The following AP5Z1 variants were observed in gnomAD, a reference collection of about 807,000 sequenced individuals.
AP5Z1 encodes the protein AP-5 complex subunit zeta-1.
A neutral mutation model predicts 83.0 loss-of-function variants in AP5Z1; 106 were observed. That is an observed-to-expected ratio of 1.28 (90% confidence interval 1.09 to 1.50). AP5Z1 has a LOEUF of 1.50. AP5Z1 is among the 40% of genes most tolerant of loss of function. The pLI is 0.00. For missense variants in AP5Z1, 1,565 were observed against 1,094.2 expected, an observed-to-expected ratio of 1.43 and a Z score of -6.07; for synonymous variants, 751 against 514.1, an observed-to-expected ratio of 1.46 and a Z score of -6.23.
At position 4,792,460 on chromosome 7, in the gene AP5Z1, G is replaced by A. The variant is rs1010803192; in HGVS notation, c.*1075G>A. The A allele has an allele frequency of 6.7e-6, 1 of 149,568 alleles. No individual in the cohort carries two copies. The highest frequency in any genetic ancestry group is 1.5e-5 in the Non-Finnish European group (1 of 67,636). The allele number at this position is 149,568 out of a possible 1,614,324, so 9.3% of individuals were successfully genotyped here. A position where few individuals can be genotyped will look rare whatever the true frequency, so the allele number is the denominator to read the frequency against. Reference sequence around the variant, plus strand: ...ACTGCAGGGTCCTGCCCCTTGCCCAGCCTCAGGACTATGGAGGGGGCGAGT... The same window carrying A: ...ACTGCAGGGTCCTGCCCCTTGCCCAACCTCAGGACTATGGAGGGGGCGAGT... On this transcript the variant is annotated 3_prime_UTR_variant, in exon 17 of 17. Transcript: ENST00000649063.
At chr7:4,788,441 AGGCCCTGCTTCTGCACCACG>A in intron 12 of AP5Z1, 147 bp downstream of exon 12, 2 of 1,050,658 alleles carry the variant, frequency 1.9e-6, no homozygotes, top group South Asian at 4.0e-5. Context: ...ACCATTATAG[AGGCCCTGCTTCTGCACCACG>A]GGTCTGCCGG....
chr7:4,785,385 G>A (rs752492952), intron 7 of AP5Z1, 30 bp from the exon 8 acceptor site: 2 of 1,610,812 alleles, frequency 1.2e-6, no homozygotes, highest in Non-Finnish European at 1.7e-6. Context: ...GGCTGAGACA[G>A]AGCCGGCTGA....
chr7:4,780,107 C>G (rs114051672), intron 1 of AP5Z1, among the ~76,000 whole-genome samples: 2 of 152,042 alleles, frequency 1.3e-5, no homozygotes, highest in African/African-American at 4.8e-5. Context: ...TCAGGGAGTC[C>G]CCAGAGTCCC....
chr7:4,785,770 T>TC lies in AP5Z1; in HGVS notation c.1132+86_1132+87insC, dbSNP rs1180216997. ...GGAATTTCTTCTTCCCTTTTTTTTT[T>TC]TTTTTTTTTTGATTGAATAGAGACA... On this transcript the variant is annotated intron_variant, in intron 9 of 16. Coordinates refer to ENST00000649063, the MANE Select transcript of AP5Z1 (RefSeq NM_014855.3). The TC allele has an allele frequency of 5.7e-6, 8 of 1,404,240 alleles. No individual in the cohort carries two copies. The East Asian group carries it at 1.8e-4, about 32-fold the overall frequency. 87.0% of individuals were successfully genotyped at this position (1,404,240 alleles called of 1,614,324 possible).
At position 4,792,286 on chromosome 7, in the gene AP5Z1, CGCCCCCA is replaced by C. The variant is rs1418302931; in HGVS notation, c.*903_*909del. On this transcript the variant is annotated 3_prime_UTR_variant, in exon 17 of 17. Coordinates refer to ENST00000649063, the MANE Select transcript of AP5Z1 (RefSeq NM_014855.3). ...CCGCCGCCCCGAGAGCCTCACGCCC[CGCCCCCA>C]GGCTCAAACTCTTCCCCCTCCCCAC... 2.6e-5 allele frequency: 4 copies of C among 151,952 alleles called. No individual in the cohort carries two copies. In the East Asian group the frequency reaches 7.7e-4, roughly 29 times the overall value. The allele number at this position is 151,952 out of a possible 1,614,324, so 9.4% of individuals were successfully genotyped here.
At chr7:4,779,358 T>G (rs1412092363) in intron 1 of AP5Z1, among the ~76,000 whole-genome samples, 1 of 145,340 alleles carries the variant, frequency 6.9e-6, no homozygotes, top group Non-Finnish European at 1.5e-5. Context: ...ACATGTTATA[T>G]ATCATAACGT....
At chr7:4,789,495 C>T (rs1781674592) in intron 13 of AP5Z1, among the ~76,000 whole-genome samples, 1 of 152,236 alleles carries the variant, frequency 6.6e-6, no homozygotes, top group Admixed American at 6.5e-5. Flanking sequence ...TGCAGGAGAG[C>T]CTGGGAGGTG....
At chr7:4,789,984 T>G in intron 14 of AP5Z1, 55 bp downstream of exon 14, 4 of 1,134,462 alleles carry the variant, frequency 3.5e-6, no homozygotes, top group East Asian at 3.8e-5. Context: ...CCTGGACTCC[T>G]CCCCCTCTCC....
chr7:4,790,470 C>T lies in AP5Z1; in HGVS notation c.1817C>T (p.Ser606Phe). 6.2e-7 allele frequency: 1 copy of T among 1,613,192 alleles called. No individual in the cohort carries two copies. The highest frequency in any genetic ancestry group is 8.5e-7 in the Non-Finnish European group (1 of 1,179,872). The change falls in exon 15 of 17, where the codon TCT becomes TTT. Residue 606 changes from serine (S) to phenylalanine (F), a missense_variant. Ser to Phe is a radical substitution (Grantham distance 155, BLOSUM62 -2). Coordinates refer to ENST00000649063, the MANE Select transcript of AP5Z1 (RefSeq NM_014855.3). The stretch of plus-strand genomic sequence containing the variant: ...GGCTTTCTGGGCAGTGTGCTGAGTT[C>T]TCAGTTCCTGGCCCTGTGTACGCTG... Reference protein sequence around the residue: ...YAAGVHSVLSSQFLALCTLKP... With the variant: ...YAAGVHSVLSFQFLALCTLKP...
At chr7:4,790,629 C>G (rs373921477) in intron 15 of AP5Z1, 38 bp downstream of exon 15, 1 of 1,612,278 alleles carries the variant, frequency 6.2e-7, no homozygotes, top group Non-Finnish European at 8.5e-7. Context: ...CGCTCCTGAC[C>G]CAGGAGGCCT....
chr7:4,784,290 T>G lies in AP5Z1; in HGVS notation c.709T>G (p.Trp237Gly). The G allele has an allele frequency of 6.3e-7, 1 of 1,599,534 alleles. No individual in the cohort carries two copies. The highest frequency in any genetic ancestry group is 8.5e-7 in the Non-Finnish European group (1 of 1,173,872). Residue 237 changes from tryptophan (W) to glycine (G), a missense_variant, in exon 6 of 17, where the codon TGG becomes GGG. Coordinates refer to ENST00000649063, the MANE Select transcript of AP5Z1 (RefSeq NM_014855.3). ...CGGCCACCGCTTCACAGACGACCAGTGGCTGAACGTGCAGGCCTTCTCTAT... is the reference window on the plus strand; with the variant it reads ...CGGCCACCGCTTCACAGACGACCAGGGGCTGAACGTGCAGGCCTTCTCTAT... ...SSGHRFTDDQ[W>G]LNVQAFSMLR...
chr7:4,778,335 G>A (rs1294683008), intron 1 of AP5Z1, among the ~76,000 whole-genome samples: 1 of 152,186 alleles, frequency 6.6e-6, no homozygotes, highest in Non-Finnish European at 1.5e-5. Context: ...CAAGCTGAAG[G>A]ATAAATGGAG....
rs759699938 is a variant in AP5Z1, at chr7:4,781,172, T to G, written c.42-3T>G. 8 of 1,613,796 alleles carry G rather than the reference T, an allele frequency of 5.0e-6. No individual in the cohort carries two copies. The Admixed American group carries it at 5.0e-5, about 10-fold the overall frequency. ...GGGTCCTGAAGTCCTCTTCTTTGTT[T>G]AGGGAGATCCAGGACGAGGAGCTGA... On this transcript the variant is annotated splice_region_variant and splice_polypyrimidine_tract_variant and intron_variant, in intron 1 of 16. Coordinates refer to ENST00000649063, the MANE Select transcript of AP5Z1 (RefSeq NM_014855.3).
chr7:4,790,966 T>G (rs1329305706), intron 16 of AP5Z1, 79 bp downstream of exon 16: 9 of 1,488,678 alleles, frequency 6.0e-6, no homozygotes, highest in Non-Finnish European at 7.2e-6. Context: ...CATCCAGGTG[T>G]TGTGAAATGG....
rs1008423489 is a variant in AP5Z1 at position 4,791,949 on chromosome 7, C to G, written c.*564C>G. On this transcript the variant is annotated 3_prime_UTR_variant, in exon 17 of 17. Transcript: ENST00000649063. ...CGCGAGTTCCCGGGTGTGGTCACCG[C>G]TCTGGGTGGTGCGCTTGTCAATGCC... 5 of 153,474 alleles carry G rather than the reference C, an allele frequency of 3.3e-5. No individual in the cohort carries two copies. The highest frequency in any genetic ancestry group is 1.2e-4 in the African/African-American group (5 of 41,460). The allele number at this position is 153,474 out of a possible 1,614,324, so 9.5% of individuals were successfully genotyped here.
rs769494681 is a variant in AP5Z1, at chr7:4,783,372, G to C, written c.423G>C (p.Glu141Asp). 1 of 1,613,160 alleles carries C rather than the reference G, an allele frequency of 6.2e-7. No individual in the cohort carries two copies. The highest frequency in any genetic ancestry group is 8.5e-7 in the Non-Finnish European group (1 of 1,179,810). The change falls in exon 4 of 17, where the codon GAG (glutamate) becomes GAC (aspartate). Residue 141 changes from glutamate to aspartate, a missense_variant. Coordinates refer to ENST00000649063, the MANE Select transcript of AP5Z1 (RefSeq NM_014855.3). Reference protein sequence around the residue: ...AVGQGVLRALESRQPEGPSLR... With the variant: ...AVGQGVLRALDSRQPEGPSLR... ...GCCAGGGCGTGCTACGAGCGCTGGAGAGCCGGCAGCCTGAGGGACCCAGCC... is the reference window on the plus strand; with the variant it reads ...GCCAGGGCGTGCTACGAGCGCTGGACAGCCGGCAGCCTGAGGGACCCAGCC...
intron 1 of AP5Z1, among the ~76,000 whole-genome samples, chr7:4,780,895 C>T (rs548224082): frequency 4.6e-5 from 7 of 152,280 alleles, no homozygotes; most frequent in Admixed American, 1.3e-4. Flanking sequence ...CGGTTTTAGT[C>T]CTTCTGCCCT....
Position 4,792,873 on chromosome 7 carries a change from C to CG in AP5Z1, c.*1489dup, listed in dbSNP as rs1276639191. On this transcript the variant is annotated 3_prime_UTR_variant, in exon 17 of 17. Coordinates refer to ENST00000649063, the MANE Select transcript of AP5Z1 (RefSeq NM_014855.3). ...CCGCCTGCAGCAGTGGGTGTGGGGG[C>CG]GCTGCTGGGCTCATCCCGAAGCTCA... is the stretch of plus-strand genomic sequence containing the variant. 2.6e-5 allele frequency: 4 copies of CG among 152,324 alleles called. No homozygotes were observed. Among genetic ancestry groups the CG allele is most frequent in the African/African-American group, 9.6e-5 (4 of 41,478 alleles). 9.4% of individuals were successfully genotyped at this position (152,324 alleles called of 1,614,324 possible). A position where few individuals can be genotyped will look rare whatever the true frequency, so the allele number is the denominator to read the frequency against.
At position 4,781,633 on chromosome 7, in the gene AP5Z1, T is replaced by A. The variant is rs776961696; in HGVS notation, c.245T>A (p.Leu82His). 1.2e-6 allele frequency: 2 copies of A among 1,607,748 alleles called. No homozygotes were observed. The highest frequency in any genetic ancestry group is 2.2e-5 in the South Asian group (2 of 91,004). ...TLGLPACPEQ[L>H]QVLCAAILRE... ...GGCCTGCCTGCATGCCCCGAGCAGCTCCAGGTGCTTTGCGCCGCCATCCTG... is the reference window on the plus strand; with the variant it reads ...GGCCTGCCTGCATGCCCCGAGCAGCACCAGGTGCTTTGCGCCGCCATCCTG... Residue 82 changes from leucine (L) to histidine (H), a missense_variant, in exon 3 of 17, where the codon CTC (leucine) becomes CAC (histidine). Physicochemically the swap from Leu to His is moderately conservative, Grantham distance 99 (BLOSUM62 -3). Transcript: ENST00000649063.
Sources: gnomAD v4.1 joint callset for allele counts (sites outside exome capture counted in the v4.1 genomes callset) on GRCh38, gnomAD v4.1.1 for gene constraint, MANE v1.5 for transcripts, NCBI Gene and HGNC (gene_info 2026-07-23, HGNC 2026-07-21) for gene names.